Variants in MAD1L1 observed in about 807,000 individuals in gnomAD.
MAD1L1 encodes the protein mitotic spindle assembly checkpoint protein MAD1.
MAD1L1 carries 95 observed loss-of-function variants against 96.9 expected under a neutral mutation model. That is an observed-to-expected ratio of 0.98 (90% CI 0.83 to 1.16). MAD1L1 has a LOEUF of 1.16. MAD1L1 is among the 50% of genes most tolerant of loss of function. The pLI is 0.00. For missense variants in MAD1L1, 1,007 were observed against 954.4 expected (o/e 1.06, Z -0.73); for synonymous variants, 473 against 396.6 (o/e 1.19, Z -2.29).
intron 18 of MAD1L1, among the ~76,000 whole-genome samples, chr7:1,885,981 C>A (rs1036708150): frequency 6.6e-6 from 1 of 152,252 alleles, no homozygotes; most frequent in Non-Finnish European, 1.5e-5. Context: ...AGCTCTGCCT[C>A]CTCTCCTCCA....
At chr7:2,152,037 C>T (rs147225457) in intron 10 of MAD1L1, among the ~76,000 whole-genome samples, 91 of 152,352 alleles carry the variant, frequency 6.0e-4, no homozygotes, top group African/African-American at 1.7e-3. Context: ...CTCCCCTGCA[C>T]GCTCCTCCTT....
At chr7:2,116,968 C>G (rs1416968747) in intron 11 of MAD1L1, among the ~76,000 whole-genome samples, 4 of 152,260 alleles carry the variant, frequency 2.6e-5, no homozygotes, top group Admixed American at 6.5e-5. Flanking sequence ...CAGCATGGCA[C>G]AGCACTGGGC....
intron 16 of MAD1L1, among the ~76,000 whole-genome samples, chr7:1,941,650 C>T (rs1004702603): frequency 6.6e-6 from 1 of 152,222 alleles, no homozygotes; most frequent in African/African-American, 2.4e-5. Flanking sequence ...TCCTGCTCTC[C>T]CGGAGCCACA....
chr7:2,067,585 C>T lies in MAD1L1; in HGVS notation c.1218+1609G>A, dbSNP rs1005027557. Among the ~76,000 whole-genome samples the T allele has an allele frequency of 1.1e-4, 15 of 133,000 alleles. 3 individuals carry two copies. Among genetic ancestry groups the T allele is most frequent in the East Asian group, 3.9e-4 (2 of 5,168 alleles). 87.3% of individuals were successfully genotyped at this position (133,000 alleles called of 152,430 possible). A position where few individuals can be genotyped will look rare whatever the true frequency, so the allele number is the denominator to read the frequency against. On this transcript the variant is annotated intron_variant, in intron 12 of 18. Transcript: ENST00000265854. ...GTCGGGCTGCACTTGCCTGAACCCC[C>T]GCAGTGGTCAGCCCAAACCCCCGCA...
At chr7:2,168,935 G>A (rs1437951440) in intron 10 of MAD1L1, among the ~76,000 whole-genome samples, 1 of 152,268 alleles carries the variant, frequency 6.6e-6, no homozygotes, top group African/African-American at 2.4e-5. Flanking sequence ...GCTGAAGCGG[G>A]AGGAACACGC....
chr7:1,892,236 C>T (rs10239823), intron 18 of MAD1L1, among the ~76,000 whole-genome samples: 4 of 152,316 alleles, frequency 2.6e-5, no homozygotes, highest in East Asian at 3.9e-4. Context: ...CTAAACCATG[C>T]GGCCCAAGGG....
chr7:2,043,665 G>T (rs1584168690), intron 12 of MAD1L1, among the ~76,000 whole-genome samples: 1 of 152,324 alleles, frequency 6.6e-6, no homozygotes, highest in Non-Finnish European at 1.5e-5. Flanking sequence ...ATCCAGACTG[G>T]CTGAGCGCCT....
chr7:2,151,083 A>C (rs1789547800), intron 10 of MAD1L1, among the ~76,000 whole-genome samples: 1 of 152,234 alleles, frequency 6.6e-6, no homozygotes, highest in Admixed American at 6.5e-5. Flanking sequence ...CAGTTTCCCA[A>C]AGCTTCCAAC....
At chr7:2,047,705 G>T (rs1216726763) in intron 12 of MAD1L1, among the ~76,000 whole-genome samples, 2 of 152,162 alleles carry the variant, frequency 1.3e-5, no homozygotes, top group Non-Finnish European at 2.9e-5. Context: ...ACATGTGCAT[G>T]CTCAGACACA....
At chr7:1,997,767 C>A (rs934081544) in intron 14 of MAD1L1, among the ~76,000 whole-genome samples, 5 of 152,212 alleles carry the variant, frequency 3.3e-5, no homozygotes, top group Non-Finnish European at 7.3e-5. Context: ...AGGGGCCAGC[C>A]CCAACCACGG....
At chr7:2,161,401 T>C (rs1790116694) in intron 10 of MAD1L1, among the ~76,000 whole-genome samples, 1 of 152,028 alleles carries the variant, frequency 6.6e-6, no homozygotes, top group African/African-American at 2.4e-5. Context: ...TCTCACTCAC[T>C]CAGTGCTCAG....
intron 11 of MAD1L1, among the ~76,000 whole-genome samples, chr7:2,091,079 G>A (rs1032993100): frequency 5.3e-5 from 8 of 152,112 alleles, no homozygotes; most frequent in Non-Finnish European, 8.8e-5. Flanking sequence ...CAAGTGTTTC[G>A]CCTTCAGCCA....
At chr7:2,042,036 C>T (rs1783698239) in intron 12 of MAD1L1, among the ~76,000 whole-genome samples, 2 of 152,092 alleles carry the variant, frequency 1.3e-5, no homozygotes, top group African/African-American at 4.8e-5. Context: ...CACACACGCA[C>T]ACGGACATGC....
intron 18 of MAD1L1, chr7:1,847,135 A>C (rs1783671287): frequency 2.7e-6 from 1 of 374,820 alleles, no homozygotes; most frequent in African/African-American, 2.1e-5. Context: ...TGATGTTTTA[A>C]AGGCCTCTGA....
At chr7:2,112,596 C>T (rs1449587987) in intron 11 of MAD1L1, among the ~76,000 whole-genome samples, 1 of 152,240 alleles carries the variant, frequency 6.6e-6, no homozygotes, top group Non-Finnish European at 1.5e-5. Flanking sequence ...ATGGTGTGTG[C>T]TGACACCTGG....
chr7:1,862,187 C>T (rs1370307186), intron 18 of MAD1L1, among the ~76,000 whole-genome samples: 2 of 152,176 alleles, frequency 1.3e-5, no homozygotes, highest in African/African-American at 4.8e-5. Flanking sequence ...CTCTGGACTT[C>T]GGGAGCCAGG....
intron 18 of MAD1L1, among the ~76,000 whole-genome samples, chr7:1,843,057 G>T (rs903462922): frequency 6.6e-6 from 1 of 152,298 alleles, no homozygotes; most frequent in East Asian, 1.9e-4. Context: ...GTCCCTCTGG[G>T]GACCATCTGG....
chr7:1,973,196 G>A (rs1365291398), intron 15 of MAD1L1, among the ~76,000 whole-genome samples: 1 of 152,222 alleles, frequency 6.6e-6, no homozygotes, highest in South Asian at 2.1e-4. Context: ...GTCAGTCGTG[G>A]AGGCTGAGGT....
chr7:2,142,741 C>T lies in MAD1L1; in HGVS notation c.1073+6411G>A, dbSNP rs913119117. Among the ~76,000 whole-genome samples the T allele has an allele frequency of 1.3e-5, 2 of 152,240 alleles. No individual in the cohort carries two copies. Among genetic ancestry groups the T allele is most frequent in the African/African-American group, 2.4e-5 (1 of 41,466 alleles). ...CGAACGGACGCAACAAGGCCTCTGG[C>T]CATGTCAAACCCCAGGGGCCCCCTT... On this transcript the variant is annotated intron_variant, in intron 11 of 18. Transcript: ENST00000265854. This position sits in a 1 kb window ranked among gnomAD's most constrained non-coding sequence, Gnocchi z 4.7.
Sources: allele counts gnomAD v4.1 joint callset (sites outside exome capture counted in the v4.1 genomes callset), GRCh38; gene constraint gnomAD v4.1.1; non-coding constraint Gnocchi (gnomAD v3.1); transcripts MANE v1.5; gene names NCBI Gene and HGNC (gene_info 2026-07-23, HGNC 2026-07-21).